Variants in DENND2A observed in about 807,000 individuals in gnomAD.
DENND2A encodes DENN domain-containing protein 2A.
A neutral mutation model predicts 105.3 loss-of-function variants in DENND2A; 53 were observed. The observed-to-expected ratio is 0.50, with a 90% CI of 0.40 to 0.63. The LOEUF (loss-of-function observed/expected upper bound fraction) is 0.63. DENND2A is among the 30% of genes least tolerant of loss of function. The pLI is 0.00. For missense variants in DENND2A, 1,138 were observed against 1,279.6 expected, an observed-to-expected ratio of 0.89 and a Z score of 1.69; for synonymous variants, 522 against 508.4, an observed-to-expected ratio of 1.03 and a Z score of -0.36.
intron 1 of DENND2A, among the ~76,000 whole-genome samples, chr7:140,615,568 C>T (rs1033415984): frequency 3.3e-5 from 5 of 150,050 alleles, no homozygotes; most frequent in South Asian, 4.2e-4. Flanking sequence ...GACGGAGCCT[C>T]GCTCTGTCGC....
chr7:140,621,814 A>G (rs747270947), intron 1 of DENND2A, among the ~76,000 whole-genome samples: 2 of 152,230 alleles, frequency 1.3e-5, no homozygotes, highest in African/African-American at 2.4e-5. Context: ...CACTTGTGGA[A>G]GAGCAGCCCT....
chr7:140,561,926 G>A (rs914205194), intron 9 of DENND2A, among the ~76,000 whole-genome samples: 2 of 151,704 alleles, frequency 1.3e-5, no homozygotes, highest in Admixed American at 1.3e-4. Context: ...CTCTTGCTCT[G>A]TCACCGAGGC....
At chr7:140,543,124 T>TTC (rs201561818) in intron 14 of DENND2A, among the ~76,000 whole-genome samples, 4,437 of 54,316 alleles carry the variant, frequency 0.082, 200 homozygotes, top group African/African-American at 0.33. Flanking sequence ...TTCTTTTCTT[T>TTC]TTTTTTTTTT....
At chr7:140,634,237 A>T (rs1387263164) in intron 1 of DENND2A, among the ~76,000 whole-genome samples, 1 of 152,046 alleles carries the variant, frequency 6.6e-6, no homozygotes, top group Non-Finnish European at 1.5e-5. Flanking sequence ...TGACCTCGTG[A>T]TCCGCCTGCC....
In DENND2A at chr7:140,531,812, T is replaced by C. The variant is rs959852402; in HGVS notation, c.2328-4317A>G. Among the ~76,000 whole-genome samples, 8 of 108,748 alleles carry C rather than the reference T, an allele frequency of 7.4e-5. No homozygotes were observed. The Admixed American group carries it at 8.1e-4, about 11-fold the overall frequency. 71.3% of individuals were successfully genotyped at this position (108,748 alleles called of 152,430 possible). A position where few individuals can be genotyped will look rare whatever the true frequency, so the allele number is the denominator to read the frequency against. On this transcript the variant is annotated intron_variant, in intron 14 of 19. Transcript: ENST00000496613. ...GCTGGGCAACAAACGCGAAACTCTG[T>C]CTCAAAGGAAAACAACAACAACAAC...
chr7:140,636,994 G>T (rs544652933), intron 1 of DENND2A, among the ~76,000 whole-genome samples: 2 of 151,994 alleles, frequency 1.3e-5, no homozygotes, highest in African/African-American at 4.8e-5. Context: ...CAAGTAGTTG[G>T]GACTACAGGC....
Position 140,540,209 on chromosome 7 carries a change from ACGTTCC to A in DENND2A, c.2327+4403_2327+4408del, listed in dbSNP as rs561828679. Among the ~76,000 whole-genome samples the A allele has an allele frequency of 1.5e-3, 236 of 152,334 alleles. 3 individuals are homozygous for A. The South Asian group carries it at 0.024, about 15-fold the overall frequency. On this transcript the variant is annotated intron_variant, in intron 14 of 19. Coordinates refer to ENST00000496613, the MANE Select transcript of DENND2A (RefSeq NM_015689.5). ...TCCAAGGAGGGCACCACAATTATCC[ACGTTCC>A]TGCTGCCTTCTCTTCTCCCACAGAA...
At chr7:140,610,581 C>A (rs1388258397) in intron 1 of DENND2A, among the ~76,000 whole-genome samples, 1 of 152,110 alleles carries the variant, frequency 6.6e-6, no homozygotes, top group Non-Finnish European at 1.5e-5. Flanking sequence ...TATCTCTGAA[C>A]ACACTGTTTT....
chr7:140,616,998 C>T (rs1196932895), intron 1 of DENND2A, among the ~76,000 whole-genome samples: 2 of 152,182 alleles, frequency 1.3e-5, no homozygotes, highest in African/African-American at 2.4e-5. Context: ...GCTGGGACTC[C>T]TGGCGTGTGC....
rs1309460800 is a variant in DENND2A at position 140,523,749 on chromosome 7, T to G, written c.2548-325A>C. Reference sequence around the variant, plus strand: ...GCCACCGCTCCTGGCTAATGTTTTGTATTTTTAGTAGTTTAGTTTCACCAT... The same window carrying G: ...GCCACCGCTCCTGGCTAATGTTTTGGATTTTTAGTAGTTTAGTTTCACCAT... On this transcript the variant is annotated intron_variant, in intron 16 of 19. Transcript: ENST00000496613. This position sits in a 1 kb window ranked among gnomAD's most constrained non-coding sequence, Gnocchi z 4.5. 6.6e-6 allele frequency among the ~76,000 whole-genome samples: 1 copy of G among 152,222 alleles called. No individual in the cohort carries two copies. Among genetic ancestry groups the G allele is most frequent in the Admixed American group, 6.5e-5 (1 of 15,268 alleles).
chr7:140,594,342 C>T (rs1799194644), intron 3 of DENND2A, among the ~76,000 whole-genome samples: 1 of 152,244 alleles, frequency 6.6e-6, no homozygotes, highest in Non-Finnish European at 1.5e-5. Flanking sequence ...CCAGACCCTT[C>T]CTGGCCCTCA....
chr7:140,546,285 G>A (rs1796900112), intron 13 of DENND2A, among the ~76,000 whole-genome samples: 1 of 152,060 alleles, frequency 6.6e-6, no homozygotes, highest in African/African-American at 2.4e-5. Context: ...GGGTGTGGCA[G>A]CAGGCACCTG....
At chr7:140,569,870 G>C (rs1798020977) in intron 6 of DENND2A, 132 bp from the exon 7 acceptor site, 1 of 671,424 alleles carries the variant, frequency 1.5e-6, no homozygotes, top group Non-Finnish European at 2.7e-6. Flanking sequence ...CTTCCCATGG[G>C]CTCATGGGTG....
upstream of DENND2A, among the ~76,000 whole-genome samples, chr7:140,640,958 G>C (rs1008803894): frequency 6.6e-6 from 1 of 150,838 alleles, no homozygotes; most frequent in African/African-American, 2.4e-5. This position sits in a 1 kb window ranked among gnomAD's most constrained non-coding sequence, Gnocchi z 4.9. Context: ...ACCTTCTGCC[G>C]GACTCGCCCC....
At chr7:140,584,770 A>C (rs1341882906) in intron 5 of DENND2A, among the ~76,000 whole-genome samples, 1 of 152,044 alleles carries the variant, frequency 6.6e-6, no homozygotes, top group East Asian at 1.9e-4. Flanking sequence ...TTGGGGATGG[A>C]GATATTCTTA....
chr7:140,528,760 CAA>C (rs555432046), intron 14 of DENND2A, among the ~76,000 whole-genome samples: 10 of 100,212 alleles, frequency 1.0e-4, no homozygotes, highest in Admixed American at 1.1e-4. Context: ...AACTCCATCT[CAA>C]AAAAAAAAAA....
chr7:140,603,914 A>ACATAT (rs1351950681), intron 2 of DENND2A, among the ~76,000 whole-genome samples: 26 of 152,356 alleles, frequency 1.7e-4, no homozygotes, highest in African/African-American at 6.0e-4. Context: ...ACATATATGT[A>ACATAT]ATGATACATG....
At chr7:140,595,954 C>T (rs191843316) in intron 3 of DENND2A, among the ~76,000 whole-genome samples, 210 of 152,238 alleles carry the variant, frequency 1.4e-3, no homozygotes, top group African/African-American at 4.9e-3. Context: ...TCAGGAAGGG[C>T]TTTCCTACCA....
rs1797506356 is a variant in DENND2A at position 140,559,025 on chromosome 7, G to C, written c.1889+683C>G. Among the ~76,000 whole-genome samples the C allele has an allele frequency of 6.6e-6, 1 of 152,136 alleles. No individual in the cohort carries two copies. The highest frequency in any genetic ancestry group is 6.6e-5 in the Admixed American group (1 of 15,260). On this transcript the variant is annotated intron_variant, in intron 10 of 19. Coordinates refer to ENST00000496613, the MANE Select transcript of DENND2A (RefSeq NM_015689.5). The surrounding 1 kb of genome is among the most constrained non-coding windows in gnomAD (Gnocchi z 4.1). ...TGTCATTTACTCTGGAGGCTAAAGA[G>C]AGGGAAGAGCCTGGGGTGCTGTCCT...
Sources: gnomAD v4.1 joint callset for allele counts (sites outside exome capture counted in the v4.1 genomes callset) on GRCh38, gnomAD v4.1.1 for gene constraint, Gnocchi (gnomAD v3.1) non-coding constraint, MANE v1.5 for transcripts, NCBI Gene and HGNC (gene_info 2026-07-23, HGNC 2026-07-21) for gene names.